The following CDH13 variants were observed in gnomAD, a reference collection of about 807,000 sequenced individuals.
CDH13 encodes the protein cadherin-13.
CDH13 carries 24 observed loss-of-function variants against 63.8 expected under a neutral mutation model. The ratio of observed to expected loss-of-function variants is 0.38; its 90% CI spans 0.27 to 0.53. CDH13 has a LOEUF of 0.53. Among genes scored for constraint, CDH13 ranks in the 20% least tolerant of loss-of-function variants. The pLI, the probability that CDH13 is intolerant of heterozygous loss-of-function variation, is 0.85. For missense variants in CDH13, 1,049 were observed against 903.1 expected, an observed-to-expected ratio of 1.16 and a Z score of -2.07; for synonymous variants, 503 against 355.3, an observed-to-expected ratio of 1.42 and a Z score of -4.67.
chr16:83,027,102 A>ACCCCCCCCCC (rs79185242), intron 2 of CDH13, among the ~76,000 whole-genome samples: 4 of 100,898 alleles, frequency 4.0e-5, no homozygotes, highest in African/African-American at 4.1e-5. Flanking sequence ...CAGAAGGGAG[A>ACCCCCCCCCC]CCCCCCCCCC....
chr16:83,502,163 T>C lies in CDH13; in HGVS notation c.960+15508T>C, dbSNP rs143636584. ...CCCAGAACTTGTAAATATGTTACCT[T>C]ACAGGGCAAATGGGACTTTGTAGAA... On this transcript the variant is annotated intron_variant, in intron 7 of 13. Coordinates refer to ENST00000567109, the MANE Select transcript of CDH13 (RefSeq NM_001257.5). 4.9e-3 allele frequency among the ~76,000 whole-genome samples: 747 copies of C among 152,308 alleles called. 7 individuals carry two copies. Among genetic ancestry groups the C allele is most frequent in the African/African-American group, 0.016 (668 of 41,570 alleles).
rs1167888022 is a variant in CDH13, at chr16:82,644,159, A to T, written c.45+17022A>T. On this transcript the variant is annotated intron_variant, in intron 1 of 13. Coordinates refer to ENST00000567109, the MANE Select transcript of CDH13 (RefSeq NM_001257.5). This position sits in a 1 kb window ranked among gnomAD's most constrained non-coding sequence, Gnocchi z 5.7. ...ATAGCAGATTGCTGAAGGATTTAGGATTTACCCAAATTAACATGAATGTTT... is the reference window on the plus strand; with the variant it reads ...ATAGCAGATTGCTGAAGGATTTAGGTTTTACCCAAATTAACATGAATGTTT... 6.6e-6 allele frequency among the ~76,000 whole-genome samples: 1 copy of T among 152,136 alleles called. No homozygotes were observed. Among genetic ancestry groups the T allele is most frequent in the Non-Finnish European group, 1.5e-5 (1 of 68,034 alleles).
At chr16:82,918,319 A>C (rs1559313) in intron 2 of CDH13, among the ~76,000 whole-genome samples, 1 of 152,178 alleles carries the variant, frequency 6.6e-6, no homozygotes, top group Admixed American at 6.5e-5. Context: ...CACAGAAGAC[A>C]CGGAGAAAAT....
intron 1 of CDH13, among the ~76,000 whole-genome samples, chr16:82,657,691 T>G (rs1911457144): frequency 6.6e-6 from 1 of 152,284 alleles, no homozygotes; most frequent in Admixed American, 6.5e-5. Context: ...GGGAGGGTAA[T>G]GTAAATTGTA....
chr16:83,314,680 C>A (rs2090070096), intron 5 of CDH13, among the ~76,000 whole-genome samples: 1 of 152,180 alleles, frequency 6.6e-6, no homozygotes, highest in South Asian at 2.1e-4. Flanking sequence ...CGGTGTTGGA[C>A]TTAATGAGAC....
chr16:83,713,341 AT>A (rs1908352845), intron 10 of CDH13, among the ~76,000 whole-genome samples: 1 of 152,000 alleles, frequency 6.6e-6, no homozygotes, highest in Non-Finnish European at 1.5e-5. Flanking sequence ...CCCACCCCAC[AT>A]TTTTCCAATG....
chr16:82,781,353 T>A (rs1332115064), intron 1 of CDH13, among the ~76,000 whole-genome samples: 1 of 152,126 alleles, frequency 6.6e-6, no homozygotes, highest in Non-Finnish European at 1.5e-5. Context: ...GTGGTTCAGG[T>A]TTTGTGAACT....
At chr16:82,659,878 C>T (rs1459599114) in intron 1 of CDH13, among the ~76,000 whole-genome samples, 1 of 152,092 alleles carries the variant, frequency 6.6e-6, no homozygotes, top group Non-Finnish European at 1.5e-5. Flanking sequence ...CCATTGGAAG[C>T]CCCATCCTCA....
intron 6 of CDH13, among the ~76,000 whole-genome samples, chr16:83,363,669 A>G (rs1355935429): frequency 2.0e-5 from 3 of 152,206 alleles, no homozygotes; most frequent in East Asian, 3.9e-4. Flanking sequence ...AGTTTCCAAG[A>G]TGATGTCACA....
In CDH13 at chr16:83,597,156, G is replaced by A. The variant is rs543129803; in HGVS notation, c.961-5298G>A. 3.6e-4 allele frequency among the ~76,000 whole-genome samples: 55 copies of A among 152,180 alleles called. No homozygotes were observed. The Middle Eastern group carries it at 0.02, about 56-fold the overall frequency. ...GAGGATCTCTTGAGCCTGGGAGGTC[G>A]AGGCTGCAGTGAGCTGTGATCATGC... On this transcript the variant is annotated intron_variant, in intron 7 of 13. Coordinates refer to ENST00000567109, the MANE Select transcript of CDH13 (RefSeq NM_001257.5).
intron 7 of CDH13, among the ~76,000 whole-genome samples, chr16:83,581,748 G>A (rs1050677205): frequency 1.3e-5 from 2 of 152,166 alleles, no homozygotes; most frequent in Non-Finnish European, 2.9e-5. Context: ...GAGCCCAGGA[G>A]TTCAAGGCTG....
chr16:83,071,646 G>A lies in CDH13; in HGVS notation c.366+39428G>A, dbSNP rs370755353. The stretch of plus-strand genomic sequence containing the variant: ...TCATGAAGTTGGCTTTCAGGTACGA[G>A]CAAGCTGGACTGAATAGTTGTTTCA... On this transcript the variant is annotated intron_variant, in intron 3 of 13. Transcript: ENST00000567109. 1.6e-4 allele frequency among the ~76,000 whole-genome samples: 24 copies of A among 152,324 alleles called. No individual in the cohort carries two copies. The East Asian group carries it at 2.9e-3, about 18-fold the overall frequency.
chr16:83,194,435 G>A (rs2038813925), intron 4 of CDH13, among the ~76,000 whole-genome samples: 1 of 152,182 alleles, frequency 6.6e-6, no homozygotes, highest in Admixed American at 6.5e-5. Context: ...TAGAGAAAAA[G>A]GAGAAAACCC....
chr16:83,545,060 C>G (rs112760587), intron 7 of CDH13, among the ~76,000 whole-genome samples: 3 of 152,206 alleles, frequency 2.0e-5, no homozygotes, highest in South Asian at 2.1e-4. Flanking sequence ...TTCTGTTCAT[C>G]TCCTTCAGGG....
chr16:83,619,358 C>T (rs1367047708), intron 8 of CDH13, among the ~76,000 whole-genome samples: 1 of 152,160 alleles, frequency 6.6e-6, no homozygotes, highest in Admixed American at 6.5e-5. Flanking sequence ...AGGGGGACTG[C>T]GAGGGCACTT....
chr16:83,712,662 GT>G (rs1259658523), intron 10 of CDH13, among the ~76,000 whole-genome samples: 1 of 152,182 alleles, frequency 6.6e-6, no homozygotes, highest in Non-Finnish European at 1.5e-5. Flanking sequence ...TTTTACTTAT[GT>G]TATTCAATTT....
chr16:83,067,575 G>C (rs1013270417), intron 3 of CDH13, among the ~76,000 whole-genome samples: 4 of 152,136 alleles, frequency 2.6e-5, no homozygotes, highest in African/African-American at 9.7e-5. Context: ...CACAAACTAA[G>C]GTTCATGATC....
chr16:82,931,645 C>G (rs1352312670), intron 2 of CDH13, among the ~76,000 whole-genome samples: 3 of 151,942 alleles, frequency 2.0e-5, no homozygotes, highest in African/African-American at 7.3e-5. Flanking sequence ...ACTCACAGTT[C>G]CATGTGGCTG....
chr16:82,923,827 C>T (rs115411811), intron 2 of CDH13, among the ~76,000 whole-genome samples: 1 of 152,106 alleles, frequency 6.6e-6, no homozygotes, highest in Non-Finnish European at 1.5e-5. Context: ...TTGAAACGAA[C>T]ATTGGTTGTA....
Sources: gnomAD v4.1 joint callset for allele counts (sites outside exome capture counted in the v4.1 genomes callset) on GRCh38, gnomAD v4.1.1 for gene constraint, Gnocchi (gnomAD v3.1) non-coding constraint, MANE v1.5 for transcripts, NCBI Gene and HGNC (gene_info 2026-07-23, HGNC 2026-07-21) for gene names.